The following RB1 variants were observed in gnomAD, a reference collection of about 807,000 sequenced individuals.
RB1 encodes the protein RB transcriptional corepressor 1.
RB1 carries 18 observed loss-of-function variants against 135.4 expected under a neutral mutation model. The ratio of observed to expected loss-of-function variants is 0.13; its 90% CI spans 0.09 to 0.20. The LOEUF (loss-of-function observed/expected upper bound fraction) is 0.20. Ranked by LOEUF, RB1 falls within the 10% of genes least tolerant of loss-of-function variation. The pLI is 1.00. For synonymous variants in RB1, 365 were observed against 373.2 expected (o/e 0.98, Z 0.25); for missense variants, 868 against 1,110.0 (o/e 0.78, Z 3.10).
Position 48,304,002 on chromosome 13 carries a change from G to A in RB1, c.90G>A (p.Glu30=). Residue 30 remains glutamate (E), a synonymous_variant, in exon 1 of 27, where the codon GAG becomes GAA. Coordinates refer to ENST00000267163, the MANE Select transcript of RB1 (RefSeq NM_000321.3). ...PPAPPPPPPP[E]EDPEQDSGPE... ...CACCGCCGCCGCCGCCCCCTCCTGAGGAGGACCCAGAGCAGGACAGCGGCC... is the reference window on the plus strand; with the variant it reads ...CACCGCCGCCGCCGCCCCCTCCTGAAGAGGACCCAGAGCAGGACAGCGGCC... The A allele has an allele frequency of 6.7e-7, 1 of 1,497,428 alleles. No homozygotes were observed. Among genetic ancestry groups the A allele is most frequent in the Non-Finnish European group, 8.8e-7 (1 of 1,131,660 alleles). 92.8% of individuals were successfully genotyped at this position (1,497,428 alleles called of 1,614,324 possible). A position where few individuals can be genotyped will look rare whatever the true frequency, so the allele number is the denominator to read the frequency against.
chr13:48,466,076 T>G lies in RB1; in HGVS notation c.2489+708T>G, dbSNP rs1476672554. ...CCACCACAGGTCAAGGAGGCCTGCC[T>G]GCCTTTGTAGGCTCCACCTCTGGGG... On this transcript the variant is annotated intron_variant, in intron 23 of 26. Coordinates refer to ENST00000267163, the MANE Select transcript of RB1 (RefSeq NM_000321.3). 2.6e-5 allele frequency among the ~76,000 whole-genome samples: 4 copies of G among 151,218 alleles called. No individual in the cohort carries two copies. The East Asian group carries it at 7.9e-4, about 30-fold the overall frequency.
chr13:48,473,076 T>A (rs1438439866), intron 23 of RB1, among the ~76,000 whole-genome samples: 1 of 152,162 alleles, frequency 6.6e-6, no homozygotes, highest in Non-Finnish European at 1.5e-5. Context: ...TAAGTAGGGG[T>A]AACCTTGAAA....
chr13:48,367,723 A>G, intron 10 of RB1, 120 bp downstream of exon 10: 1 of 1,189,384 alleles, frequency 8.4e-7, no homozygotes, highest in South Asian at 1.5e-5. Context: ...ATTACTTTCA[A>G]ATGTCTTTAT....
In RB1 at chr13:48,333,094, A is replaced by G. The variant is rs1952351022; in HGVS notation, c.265-9505A>G. ...GTGGAAAGTGAAACCGTGGATATGG[A>G]ATGACTGATGTAATCACTTCTTATT... is the stretch of plus-strand genomic sequence containing the variant. On this transcript the variant is annotated intron_variant, in intron 2 of 26. Coordinates refer to ENST00000267163, the MANE Select transcript of RB1 (RefSeq NM_000321.3). 4 of 398,340 alleles carry G rather than the reference A, an allele frequency of 1.0e-5. No individual in the cohort carries two copies. The South Asian group carries it at 5.1e-4, about 51-fold the overall frequency. The allele number at this position is 398,340 out of a possible 1,614,324, so 24.7% of individuals were successfully genotyped here. A position where few individuals can be genotyped will look rare whatever the true frequency, so the allele number is the denominator to read the frequency against.
chr13:48,382,473 T>A (rs1056423846), intron 17 of RB1, among the ~76,000 whole-genome samples: 1 of 152,220 alleles, frequency 6.6e-6, no homozygotes, highest in Non-Finnish European at 1.5e-5. Context: ...TTTTCATGTG[T>A]CTTTTGGCTG....
At chr13:48,400,296 T>G (rs528688383) in intron 17 of RB1, among the ~76,000 whole-genome samples, 1 of 152,262 alleles carries the variant, frequency 6.6e-6, no homozygotes, top group Admixed American at 6.5e-5. Context: ...CTCACAACTC[T>G]ATGAAATAGA....
chr13:48,337,481 A>G (rs1457687235), intron 2 of RB1, among the ~76,000 whole-genome samples: 1 of 152,100 alleles, frequency 6.6e-6, no homozygotes. Flanking sequence ...CGTCTGTTTT[A>G]TCAGAGACTA....
At chr13:48,346,099 C>CTTTTTTTTTTTT (rs35882805) in intron 4 of RB1, among the ~76,000 whole-genome samples, 7 of 117,128 alleles carry the variant, frequency 6.0e-5, no homozygotes, top group African/African-American at 1.3e-4. Flanking sequence ...CATTGGCCAT[C>CTTTTTTTTTTTT]TTTTTTTTTT....
At chr13:48,423,203 T>C (rs1267731275) in intron 17 of RB1, among the ~76,000 whole-genome samples, 1 of 152,200 alleles carries the variant, frequency 6.6e-6, no homozygotes, top group African/African-American at 2.4e-5. Context: ...TTTTTAAAAT[T>C]TAATGACATC....
rs3092860 is a variant in RB1 at position 48,348,925 on chromosome 13, G to GT, written c.540-23dup. 5.9e-4 allele frequency: 929 copies of GT among 1,584,572 alleles called. 6 individuals are homozygous for GT. The East Asian group carries it at 8.6e-3, about 15-fold the overall frequency. On this transcript the variant is annotated intron_variant, in intron 5 of 26. Transcript: ENST00000267163. Reference sequence around the variant, plus strand: ...TTTCTTTCAGTGATACATTTTTCCTGTTTTTTTTCTGCTTTCTATTTGTTT... The same window carrying GT: ...TTTCTTTCAGTGATACATTTTTCCTGTTTTTTTTTCTGCTTTCTATTTGTTT...
chr13:48,400,993 AG>A (rs1462714979), intron 17 of RB1, among the ~76,000 whole-genome samples: 2 of 152,088 alleles, frequency 1.3e-5, no homozygotes, highest in African/African-American at 4.8e-5. Flanking sequence ...CAGGGGGAAA[AG>A]GCATCATGGG....
chr13:48,405,993 G>A (rs1566208362), intron 17 of RB1, among the ~76,000 whole-genome samples: 1 of 151,700 alleles, frequency 6.6e-6, no homozygotes, highest in Non-Finnish European at 1.5e-5. Context: ...GCATAGTACT[G>A]TATTTTGTAT....
At position 48,340,319 on chromosome 13, in the gene RB1, A is replaced by C. The variant is rs760717608; in HGVS notation, c.265-2280A>C. Among the ~76,000 whole-genome samples, 16 of 152,324 alleles carry C rather than the reference A, an allele frequency of 1.1e-4. No individual in the cohort carries two copies. In the Middle Eastern group the frequency reaches 0.014, roughly 130 times the overall value. On this transcript the variant is annotated intron_variant, in intron 2 of 26. Transcript: ENST00000267163. ...CAAAATTAAAAACTTCTATTCCTTG[A>C]AATATACTTCTTATGGAAGTCAAAA...
chr13:48,327,974 AAG>A (rs1451474953), intron 2 of RB1: 1 of 548,208 alleles, frequency 1.8e-6, no homozygotes. Context: ...AAAGATGAAA[AAG>A]AAAAAAAAAG....
chr13:48,377,235 T>C (rs1007229957), intron 13 of RB1, among the ~76,000 whole-genome samples: 1 of 152,142 alleles, frequency 6.6e-6, no homozygotes, highest in African/African-American at 2.4e-5. Context: ...ATAAAAACTA[T>C]GTAATAAAGG....
At chr13:48,367,330 C>G (rs143856635) in intron 9 of RB1, among the ~76,000 whole-genome samples, 164 bp from the exon 10 acceptor site, 3 of 152,026 alleles carry the variant, frequency 2.0e-5, no homozygotes, top group African/African-American at 7.2e-5. Context: ...ATTTTCTGTA[C>G]CTCACTTTTA....
chr13:48,450,096 T>G (rs2407090), intron 17 of RB1, among the ~76,000 whole-genome samples: 1 of 105,396 alleles, frequency 9.5e-6, no homozygotes, highest in South Asian at 2.9e-4. Flanking sequence ...ATATATATAT[T>G]TTTTTTTTTT....
intron 2 of RB1, among the ~76,000 whole-genome samples, chr13:48,327,210 TA>T (rs1952295444): frequency 6.6e-6 from 1 of 152,114 alleles, no homozygotes; most frequent in Non-Finnish European, 1.5e-5. Context: ...TTATACCTTT[TA>T]AAAAATAAAA....
At chr13:48,376,814 A>C in intron 12 of RB1, 104 bp from the exon 13 acceptor site, 1 of 1,559,250 alleles carries the variant, frequency 6.4e-7, no homozygotes, top group Non-Finnish European at 8.7e-7. Context: ...AAGTGTTTCC[A>C]CATTTTTATG....
Sources: gnomAD v4.1 joint callset for allele counts (sites outside exome capture counted in the v4.1 genomes callset) on GRCh38, gnomAD v4.1.1 for gene constraint, MANE v1.5 for transcripts, NCBI Gene and HGNC (gene_info 2026-07-23, HGNC 2026-07-21) for gene names.